Variants in ADGRA3 observed in about 807,000 individuals in gnomAD.
The protein encoded by ADGRA3 is G-protein coupled receptor 125.
In ADGRA3, 56 loss-of-function variants were observed where a neutral mutation model predicts 119.8. The ratio of observed to expected loss-of-function variants is 0.47; its 90% CI spans 0.38 to 0.58. ADGRA3 has a LOEUF of 0.58. Among genes scored for constraint, ADGRA3 ranks in the 20% least tolerant of loss-of-function variants. The probability of loss-of-function intolerance (pLI) is 0.00; values close to 1 mark genes in which losing one functional copy is unlikely to be tolerated. For synonymous variants in ADGRA3, 607 were observed against 623.8 expected (o/e 0.97, Z 0.40); for missense variants, 1,516 against 1,649.0 (o/e 0.92, Z 1.40).
intron 1 of ADGRA3, among the ~76,000 whole-genome samples, chr4:22,492,814 T>A (rs765870295): frequency 3.9e-4 from 59 of 152,160 alleles, no homozygotes; most frequent in Admixed American, 1.4e-3. Context: ...TAAAAGCATA[T>A]CCCCATCATC....
chr4:22,387,613 T>G lies in ADGRA3; in HGVS notation c.*92A>C. The G allele has an allele frequency of 8.1e-7, 1 of 1,230,204 alleles. No homozygotes were observed. Among genetic ancestry groups the G allele is most frequent in the Non-Finnish European group, 1.1e-6 (1 of 892,900 alleles). 76.2% of individuals were successfully genotyped at this position (1,230,204 alleles called of 1,614,324 possible). A position where few individuals can be genotyped will look rare whatever the true frequency, so the allele number is the denominator to read the frequency against. On this transcript the variant is annotated 3_prime_UTR_variant, in exon 19 of 19. Transcript: ENST00000334304. ...TATTCCAAATTCTTTTGAATCCCTA[T>G]GGTGGCTGTAAACAGTTTTTAAATG...
intron 11 of ADGRA3, among the ~76,000 whole-genome samples, chr4:22,423,131 G>C (rs1190446171): frequency 6.6e-6 from 1 of 151,878 alleles, no homozygotes; most frequent in Non-Finnish European, 1.5e-5. Context: ...GGTGGCGGAG[G>C]CTGCAGTGAG....
Position 22,388,680 on chromosome 4 carries a change from C to G in ADGRA3, c.2991G>C (p.Leu997Phe). The G allele has an allele frequency of 6.2e-7, 1 of 1,614,042 alleles. No individual in the cohort carries two copies. The highest frequency in any genetic ancestry group is 8.5e-7 in the Non-Finnish European group (1 of 1,180,006). The change falls in exon 19 of 19, where the codon TTG (leucine) becomes TTC (phenylalanine). Residue 997 changes from leucine (L) to phenylalanine (F), a missense_variant. By Grantham distance (22) the Leu-to-Phe change is conservative. This residue lies in a region of ADGRA3 where 1,088 missense variants were observed against 1,107.1 expected (regional missense o/e 0.98). Transcript: ENST00000334304. ...ENEHTFHSQL[L>F]GASLTLLLYV... ...ATAAGAGCAAAGTAAGGCTGGCCCC[C>G]AAGAGCTGAGAATGAAAAGTGTGCT...
intron 15 of ADGRA3, among the ~76,000 whole-genome samples, chr4:22,401,947 C>T (rs1210932555): frequency 6.6e-6 from 1 of 152,102 alleles, no homozygotes; most frequent in Non-Finnish European, 1.5e-5. Context: ...TTTTGACCCA[C>T]TGGCGCAGGT....
intron 1 of ADGRA3, among the ~76,000 whole-genome samples, chr4:22,505,347 G>A (rs1262588872): frequency 4.6e-5 from 7 of 152,166 alleles, no homozygotes; most frequent in African/African-American, 7.2e-5. Context: ...AGAAACTCCC[G>A]TTGCCCATTT....
chr4:22,500,792 G>C (rs1444782801), intron 1 of ADGRA3, among the ~76,000 whole-genome samples: 1 of 152,152 alleles, frequency 6.6e-6, no homozygotes, highest in African/African-American at 2.4e-5. Context: ...ATTGATAACT[G>C]AGTAAAGTAG....
intron 14 of ADGRA3, among the ~76,000 whole-genome samples, chr4:22,403,601 C>G (rs898034845): frequency 6.6e-6 from 1 of 151,860 alleles, no homozygotes; most frequent in Non-Finnish European, 1.5e-5. Context: ...CTTAGCCAGG[C>G]CTGGTGGTGT....
intron 2 of ADGRA3, among the ~76,000 whole-genome samples, chr4:22,465,360 G>A (rs530972118): frequency 1.8e-4 from 27 of 152,188 alleles, no homozygotes; most frequent in African/African-American, 3.4e-4. Flanking sequence ...GCAATTATAC[G>A]ACTTTGGTCT....
At chr4:22,452,262 G>T (rs1218659394) in intron 4 of ADGRA3, among the ~76,000 whole-genome samples, 6 of 152,156 alleles carry the variant, frequency 3.9e-5, no homozygotes, top group Non-Finnish European at 8.8e-5. Context: ...GCATGAGGGG[G>T]TAGGAAGAGG....
rs2109062131 is a variant in ADGRA3 at position 22,436,516 on chromosome 4, C to T, written c.1211G>A (p.Gly404Asp). ...AGAATAATCATCATCTGCCCAAAAGCCACCTCTATCACATCTGCGCCAAGC... is the reference window on the plus strand; with the variant it reads ...AGAATAATCATCATCTGCCCAAAAGTCACCTCTATCACATCTGCGCCAAGC... ...RKAWRRCDRG[G>D]FWADDDYSRC... is the part of the protein sequence containing the mutation. The change falls in exon 9 of 19, where the codon GGC (glycine) becomes GAC (aspartate). Residue 404 changes from glycine (G) to aspartate (D), a missense_variant. Transcript: ENST00000334304. 1.2e-6 allele frequency: 2 copies of T among 1,613,386 alleles called. No individual in the cohort carries two copies. The highest frequency in any genetic ancestry group is 1.7e-6 in the Non-Finnish European group (2 of 1,179,860).
At chr4:22,436,856 T>C (rs190936345) in intron 8 of ADGRA3, among the ~76,000 whole-genome samples, 52 of 152,318 alleles carry the variant, frequency 3.4e-4, no homozygotes, top group Admixed American at 6.5e-4. Context: ...CAAGTTACCA[T>C]GGATGCTCAT....
intron 5 of ADGRA3, 21 bp downstream of exon 5, chr4:22,447,415 AAGAG>A: frequency 7.4e-7 from 1 of 1,356,228 alleles, no homozygotes; most frequent in Non-Finnish European, 1.0e-6. Flanking sequence ...CAAAAAAAAA[AAGAG>A]AGAAAAAAAT....
At chr4:22,468,293 C>A (rs1717735536) in intron 2 of ADGRA3, among the ~76,000 whole-genome samples, 1 of 152,174 alleles carries the variant, frequency 6.6e-6, no homozygotes, top group African/African-American at 2.4e-5. Flanking sequence ...CTGTCAATAG[C>A]TGGAAGAGAT....
intron 1 of ADGRA3, among the ~76,000 whole-genome samples, chr4:22,476,377 C>A (rs1271950533): frequency 6.6e-6 from 1 of 152,176 alleles, no homozygotes; most frequent in South Asian, 2.1e-4. Context: ...AGACAAAAAT[C>A]GGAAACTCCC....
intron 14 of ADGRA3, among the ~76,000 whole-genome samples, chr4:22,404,263 A>G (rs543494557): frequency 3.3e-5 from 5 of 152,166 alleles, no homozygotes; most frequent in Admixed American, 3.3e-4. Flanking sequence ...AAAAGAAAGG[A>G]AGAGAATAAG....
At chr4:22,471,644 G>C (rs1204257912) in intron 2 of ADGRA3, among the ~76,000 whole-genome samples, 4 of 152,066 alleles carry the variant, frequency 2.6e-5, no homozygotes, top group African/African-American at 9.7e-5. Context: ...CTGAGCTTAG[G>C]GGCAGTGTAG....
At chr4:22,476,120 C>T (rs1484289560) in intron 1 of ADGRA3, among the ~76,000 whole-genome samples, 1 of 152,040 alleles carries the variant, frequency 6.6e-6, no homozygotes, top group Non-Finnish European at 1.5e-5. Flanking sequence ...AATACAATTT[C>T]CTCTCATCAA....
intron 1 of ADGRA3, among the ~76,000 whole-genome samples, chr4:22,481,833 T>C (rs1718270550): frequency 6.6e-6 from 1 of 152,200 alleles, no homozygotes; most frequent in Admixed American, 6.5e-5. Flanking sequence ...TTTTACTCTG[T>C]CTCAGCTTAT....
intron 10 of ADGRA3, among the ~76,000 whole-genome samples, chr4:22,432,138 TA>T (rs1239030011): frequency 6.6e-6 from 1 of 151,086 alleles, no homozygotes; most frequent in Non-Finnish European, 1.5e-5. Flanking sequence ...ACCCCCCACC[TA>T]AAAAAAAATT....
Sources: allele counts gnomAD v4.1 joint callset (sites outside exome capture counted in the v4.1 genomes callset), GRCh38; gene constraint gnomAD v4.1.1; regional missense constraint gnomAD v4.1.1; transcripts MANE v1.5; gene names NCBI Gene and HGNC (gene_info 2026-07-23, HGNC 2026-07-21).